TNFRSF10B: variants seen among roughly 807,000 people sequenced by gnomAD.
TNFRSF10B encodes the protein tumor necrosis factor receptor superfamily member 10B.
A neutral mutation model predicts 41.4 loss-of-function variants in TNFRSF10B; 35 were observed. The observed-to-expected ratio is 0.85, with a 90% CI of 0.65 to 1.12. The LOEUF is 1.12. Ranked by LOEUF, TNFRSF10B falls within the 50% of genes most tolerant of loss-of-function variation. The pLI, the probability that TNFRSF10B is intolerant of heterozygous loss-of-function variation, is 0.00. For missense variants in TNFRSF10B, 584 were observed against 552.7 expected (o/e 1.06, Z -0.57); for synonymous variants, 230 against 215.5 (o/e 1.07, Z -0.59).
chr8:23,053,965 T>C (rs1038048243), intron 1 of TNFRSF10B, among the ~76,000 whole-genome samples: 4 of 152,224 alleles, frequency 2.6e-5, no homozygotes, highest in Non-Finnish European at 5.9e-5. Context: ...AATTGTTATG[T>C]TAAAATTATT....
At chr8:23,048,438 A>C (rs1340550488) in intron 1 of TNFRSF10B, among the ~76,000 whole-genome samples, 1 of 59,234 alleles carries the variant, frequency 1.7e-5, no homozygotes, top group African/African-American at 1.0e-4. Context: ...TTTTTGTGTC[A>C]AAAAAAAAAA....
intron 1 of TNFRSF10B, 122 bp downstream of exon 1, chr8:23,068,629 C>A: frequency 7.0e-7 from 1 of 1,433,684 alleles, no homozygotes; most frequent in South Asian, 1.4e-5. Flanking sequence ...GTGCGTCTTG[C>A]CCGGACATGC....
At chr8:23,054,477 T>C (rs1416530539) in intron 1 of TNFRSF10B, among the ~76,000 whole-genome samples, 2 of 152,242 alleles carry the variant, frequency 1.3e-5, no homozygotes, top group South Asian at 2.1e-4. Flanking sequence ...TCTTAAGTTA[T>C]GGCAATATAG....
At chr8:23,038,194 T>C (rs535180902) in intron 2 of TNFRSF10B, among the ~76,000 whole-genome samples, 65 of 152,266 alleles carry the variant, frequency 4.3e-4, no homozygotes, top group African/African-American at 1.5e-3. Flanking sequence ...CCTTAGGGCA[T>C]CTCTTAGTAT....
At chr8:23,060,364 C>T (rs1390576534) in intron 1 of TNFRSF10B, among the ~76,000 whole-genome samples, 6 of 152,056 alleles carry the variant, frequency 3.9e-5, no homozygotes, top group African/African-American at 7.2e-5. Context: ...TGTGGATATC[C>T]GGTTCTCCTA....
In TNFRSF10B at chr8:23,021,678, C is replaced by A. The variant is rs1246720671; in HGVS notation, c.*993G>T. On this transcript the variant is annotated 3_prime_UTR_variant, in exon 9 of 9. Transcript: ENST00000276431. ...TCACGTGGATCCAGTTCTCTTTGGT[C>A]CCGACTCATATGTAAACAACTACCT... The A allele has an allele frequency of 2.2e-6, 1 of 454,106 alleles. No individual in the cohort carries two copies. The highest frequency in any genetic ancestry group is 4.4e-6 in the Non-Finnish European group (1 of 226,794). The allele number at this position is 454,106 out of a possible 1,614,324, so 28.1% of individuals were successfully genotyped here.
intron 1 of TNFRSF10B, among the ~76,000 whole-genome samples, chr8:23,046,628 A>AC (rs1199116032): frequency 6.6e-5 from 10 of 150,520 alleles, no homozygotes; most frequent in Non-Finnish European, 1.5e-4. Flanking sequence ...AAAAAAAAAA[A>AC]AAAAAACACA....
chr8:23,027,706 G>A lies in TNFRSF10B; in HGVS notation c.780+16C>T, dbSNP rs755287664. 29 of 1,613,908 alleles carry A rather than the reference G, an allele frequency of 1.8e-5. No homozygotes were observed. Among genetic ancestry groups the A allele is most frequent in the Admixed American group, 5.0e-5 (3 of 59,992 alleles). On this transcript the variant is annotated intron_variant, in intron 6 of 8. Transcript: ENST00000276431. ...CTGAACCCCTGAGCCCCCAGCTCCTGGAGAAATCAACTCACTCTGTCCACA... is the reference window on the plus strand; with the variant it reads ...CTGAACCCCTGAGCCCCCAGCTCCTAGAGAAATCAACTCACTCTGTCCACA...
intron 1 of TNFRSF10B, chr8:23,068,455 C>CAGGATGGTGTAGA: frequency 2.0e-6 from 1 of 500,470 alleles, no homozygotes; most frequent in Admixed American, 3.7e-5. Flanking sequence ...GTCCGACGAC[C>CAGGATGGTGTAGA]TCTCCGTGGC....
intron 2 of TNFRSF10B, among the ~76,000 whole-genome samples, chr8:23,041,196 C>G (rs547446713): frequency 1.3e-3 from 194 of 151,926 alleles, no homozygotes; most frequent in African/African-American, 4.6e-3. Context: ...GTAGCTGGGA[C>G]TACAGGCACG....
At chr8:23,045,075 A>G (rs988636367) in intron 1 of TNFRSF10B, among the ~76,000 whole-genome samples, 1 of 149,942 alleles carries the variant, frequency 6.7e-6, no homozygotes, top group Non-Finnish European at 1.5e-5. Context: ...AAAAAAAAAA[A>G]AAAAAAAAGC....
At chr8:23,034,761 T>C (rs11785599) in intron 2 of TNFRSF10B, among the ~76,000 whole-genome samples, 61,426 of 152,184 alleles carry the variant, frequency 0.4, 14,200 homozygotes, top group Non-Finnish European at 0.51. Flanking sequence ...ACAACATTCC[T>C]GGAGGGATTG....
At position 23,024,353 on chromosome 8, in the gene TNFRSF10B, C is replaced by G; in HGVS notation, c.937-93G>C. ...CACCAGCCAGCTCTGAGACCTGCAGCACGTCACTTCCAGAACATTGTTCTG... is the reference window on the plus strand; with the variant it reads ...CACCAGCCAGCTCTGAGACCTGCAGGACGTCACTTCCAGAACATTGTTCTG... On this transcript the variant is annotated intron_variant, in intron 7 of 8. Transcript: ENST00000276431. 3.0e-6 allele frequency: 4 copies of G among 1,340,546 alleles called. No homozygotes were observed. In the South Asian group the frequency reaches 4.7e-5, roughly 16 times the overall value. 83.0% of individuals were successfully genotyped at this position (1,340,546 alleles called of 1,614,324 possible).
chr8:23,027,313 A>G (rs1266304957), intron 6 of TNFRSF10B, 25 bp from the exon 7 acceptor site: 2 of 1,613,656 alleles, frequency 1.2e-6, no homozygotes, highest in Non-Finnish European at 8.5e-7. Flanking sequence ...TGGGAAGGCA[A>G]AAAGCCGACT....
intron 5 of TNFRSF10B, 49 bp from the exon 6 acceptor site, chr8:23,027,802 AC>A (rs1302680669): frequency 1.9e-6 from 3 of 1,610,998 alleles, no homozygotes; most frequent in East Asian, 2.2e-5. Flanking sequence ...CCCATGAAGC[AC>A]CCCCCTCCCA....
At chr8:23,027,983 C>G (rs934849098) in intron 5 of TNFRSF10B, 3 of 618,160 alleles carry the variant, frequency 4.9e-6, no homozygotes, top group Non-Finnish European at 5.6e-6. Context: ...CTGCTCTGAC[C>G]AAGGCTGAAA....
At chr8:23,023,281 G>A (rs941034472) in intron 8 of TNFRSF10B, among the ~76,000 whole-genome samples, 1 of 152,326 alleles carries the variant, frequency 6.6e-6, no homozygotes, top group South Asian at 2.1e-4. Context: ...AGTAAAGTGC[G>A]TGAGAGTCCG....
Position 23,021,590 on chromosome 8 carries a change from C to T in TNFRSF10B, c.*1081G>A. On this transcript the variant is annotated 3_prime_UTR_variant, in exon 9 of 9. Coordinates refer to ENST00000276431, the MANE Select transcript of TNFRSF10B (RefSeq NM_003842.5). ...CCATCTGCCTCTGTCCCAGCCTGTC[C>T]ATAGATGGGGGCTATGGGTGCAAAT... 1 of 454,128 alleles carries T rather than the reference C, an allele frequency of 2.2e-6. No homozygotes were observed. Among genetic ancestry groups the T allele is most frequent in the South Asian group, 1.6e-5 (1 of 64,476 alleles). The allele number at this position is 454,128 out of a possible 1,614,324, so 28.1% of individuals were successfully genotyped here. A position where few individuals can be genotyped will look rare whatever the true frequency, so the allele number is the denominator to read the frequency against.
At chr8:23,033,956 T>C (rs771646306) in intron 2 of TNFRSF10B, among the ~76,000 whole-genome samples, 3 of 152,120 alleles carry the variant, frequency 2.0e-5, no homozygotes, top group Admixed American at 6.6e-5. Flanking sequence ...TACCATCTCA[T>C]TGGATGGTAA....
Sources: gnomAD v4.1 joint callset for allele counts (sites outside exome capture counted in the v4.1 genomes callset) on GRCh38, gnomAD v4.1.1 for gene constraint, MANE v1.5 for transcripts, NCBI Gene and HGNC (gene_info 2026-07-23, HGNC 2026-07-21) for gene names.